Variants in PXDN observed in about 807,000 individuals in gnomAD.
The protein encoded by PXDN is peroxidasin homolog.
In PXDN, 77 loss-of-function variants were observed where a neutral mutation model predicts 140.3. The observed-to-expected ratio is 0.55, with a 90% CI of 0.46 to 0.66. The LOEUF (loss-of-function observed/expected upper bound fraction) is 0.66, where lower values mean the gene tolerates loss of function less well. Ranked by LOEUF, PXDN falls within the 30% of genes least tolerant of loss-of-function variation. The pLI is 0.00. For missense variants in PXDN, 1,838 were observed against 2,039.5 expected (o/e 0.90, Z 1.90); for synonymous variants, 911 against 857.4 (o/e 1.06, Z -1.09).
At chr2:1,680,469 TGCCA>T in intron 6 of PXDN, 107 bp from the exon 7 acceptor site, 1 of 1,355,866 alleles carries the variant, frequency 7.4e-7, no homozygotes, top group Non-Finnish European at 1.0e-6. Flanking sequence ...GTGCCAGGCC[TGCCA>T]GGCTTGCGAC....
chr2:1,704,562 A>G (rs183679511), intron 1 of PXDN, among the ~76,000 whole-genome samples: 53 of 30,746 alleles, frequency 1.7e-3, no homozygotes, highest in Admixed American at 3.9e-3. Context: ...AGGTGAAGGG[A>G]GGGCAACTCC....
rs529008608 is a variant in PXDN, at chr2:1,649,742, T to G, written c.2105-67A>C. The G allele has an allele frequency of 1.9e-6, 3 of 1,549,796 alleles. No individual in the cohort carries two copies. Among genetic ancestry groups the G allele is most frequent in the Non-Finnish European group, 2.7e-6 (3 of 1,125,694 alleles). The stretch of plus-strand genomic sequence containing the variant: ...AGGATGTGTGAGGGCCCGGTACCCC[T>G]TGGCACCTCTGCCGCTGACATGGGG... On this transcript the variant is annotated intron_variant, in intron 16 of 22. Transcript: ENST00000252804. This position sits in a 1 kb window ranked among gnomAD's most constrained non-coding sequence, Gnocchi z 7.1.
chr2:1,643,426 G>C lies in PXDN; in HGVS notation c.3894C>G (p.Tyr1298Ter), dbSNP rs199885858. The change falls in exon 19 of 23, where the codon TAC becomes TAG. Residue 1298 changes from tyrosine to a stop codon, truncating the protein, a stop_gained. Coordinates refer to ENST00000252804, the MANE Select transcript of PXDN (RefSeq NM_012293.3). LOFTEE classifies it high-confidence loss of function. ...VFRVAEFPHG[Y>*]GSCDEIPRVD... The stretch of plus-strand genomic sequence containing the variant: ...CCCTGGGGATCTCGTCACAGCTGCC[G>C]TAGCCGTGAGGGAACTCCGCCACCC... The C allele has an allele frequency of 6.2e-7, 1 of 1,613,800 alleles. No homozygotes were observed. Among genetic ancestry groups the C allele is most frequent in the Non-Finnish European group, 8.5e-7 (1 of 1,179,890 alleles).
intron 12 of PXDN, 46 bp from the exon 13 acceptor site, chr2:1,662,230 C>CA: frequency 6.7e-7 from 1 of 1,485,666 alleles, no homozygotes; most frequent in Non-Finnish European, 9.2e-7. Context: ...TCAATTACAT[C>CA]AAAAAACTTC....
intron 6 of PXDN, among the ~76,000 whole-genome samples, chr2:1,681,004 G>A (rs138054353): frequency 1.5e-3 from 232 of 152,334 alleles, no homozygotes; most frequent in African/African-American, 5.3e-3. Flanking sequence ...TGTTGTCTCC[G>A]CACACGGGGA....
At chr2:1,730,568 C>T (rs1353040242) in intron 1 of PXDN, among the ~76,000 whole-genome samples, 11 of 152,148 alleles carry the variant, frequency 7.2e-5, no homozygotes, top group South Asian at 2.1e-4. Context: ...CAGGGTATGG[C>T]GGACGGCCCA....
At chr2:1,680,775 T>C (rs535174939) in intron 6 of PXDN, among the ~76,000 whole-genome samples, 1 of 152,282 alleles carries the variant, frequency 6.6e-6, no homozygotes, top group South Asian at 2.1e-4. Context: ...AAACCACCAC[T>C]GTCACTCAAC....
Position 1,683,642 on chromosome 2 carries a change from G to C in PXDN, c.560+14C>G. 1 of 1,496,644 alleles carries C rather than the reference G, an allele frequency of 6.7e-7. No homozygotes were observed. The highest frequency in any genetic ancestry group is 1.3e-5 in the South Asian group (1 of 76,444). The allele number at this position is 1,496,644 out of a possible 1,614,324, so 92.7% of individuals were successfully genotyped here. A position where few individuals can be genotyped will look rare whatever the true frequency, so the allele number is the denominator to read the frequency against. ...GCTTTGCAGCAAAGAAAACACAAAA[G>C]GTTTTATACTCACAATCTCTTCATA... is the stretch of plus-strand genomic sequence containing the variant. On this transcript the variant is annotated intron_variant, in intron 6 of 22. Coordinates refer to ENST00000252804, the MANE Select transcript of PXDN (RefSeq NM_012293.3).
At chr2:1,664,569 T>C (rs767685526) in intron 11 of PXDN, 1 of 181,148 alleles carries the variant, frequency 5.5e-6, no homozygotes, top group Non-Finnish European at 1.2e-5. Context: ...ATTCGTCTGT[T>C]TCAATATATT....
chr2:1,709,344 G>A (rs80093017), intron 1 of PXDN, among the ~76,000 whole-genome samples: 4,000 of 152,256 alleles, frequency 0.026, 66 homozygotes, highest in Middle Eastern at 0.048. Context: ...CCCAGAGTGC[G>A]GGTGCTTGAT....
At chr2:1,686,217 G>A (rs1020765240) in intron 4 of PXDN, among the ~76,000 whole-genome samples, 11 of 152,192 alleles carry the variant, frequency 7.2e-5, no homozygotes, top group Non-Finnish European at 1.0e-4. Context: ...CTCCCTGCCC[G>A]AGGGCGGGGC....
chr2:1,692,256 C>T (rs1031963107), intron 2 of PXDN, among the ~76,000 whole-genome samples: 1 of 152,216 alleles, frequency 6.6e-6, no homozygotes, highest in African/African-American at 2.4e-5. Flanking sequence ...AGAAAAAATT[C>T]CTTCTCTCCT....
chr2:1,683,731 T>G lies in PXDN; in HGVS notation c.489-4A>C, dbSNP rs1030996296. On this transcript the variant is annotated splice_region_variant and splice_polypyrimidine_tract_variant and intron_variant, in intron 5 of 22. Coordinates refer to ENST00000252804, the MANE Select transcript of PXDN (RefSeq NM_012293.3). ...AATCCGGTTGTTATGCAAAAATCTG[T>G]TGAAAGAGATTTTATAACAAACCAA... 1 of 1,594,876 alleles carries G rather than the reference T, an allele frequency of 6.3e-7. No homozygotes were observed. The highest frequency in any genetic ancestry group is 1.3e-5 in the African/African-American group (1 of 74,356).
chr2:1,652,213 G>A (rs909531384), intron 16 of PXDN, among the ~76,000 whole-genome samples: 2 of 152,088 alleles, frequency 1.3e-5, no homozygotes, highest in Non-Finnish European at 2.9e-5. Flanking sequence ...CTGTGGTGGC[G>A]GCAGAACCCA....
chr2:1,667,605 C>G (rs577438477), intron 9 of PXDN, among the ~76,000 whole-genome samples: 18 of 152,166 alleles, frequency 1.2e-4, no homozygotes, highest in Non-Finnish European at 2.4e-4. Flanking sequence ...TCAGCAGAGT[C>G]TCAGGGCACA....
chr2:1,656,369 T>C (rs1683133068), intron 14 of PXDN, among the ~76,000 whole-genome samples: 1 of 152,188 alleles, frequency 6.6e-6, no homozygotes, highest in Non-Finnish European at 1.5e-5. Context: ...CCCTAATAAA[T>C]CCAAAGTTGA....
At position 1,744,489 on chromosome 2, in the gene PXDN, G is replaced by A. The variant is rs1318489155; in HGVS notation, c.-34C>T. 2 of 1,391,516 alleles carry A rather than the reference G, an allele frequency of 1.4e-6. No homozygotes were observed. The highest frequency in any genetic ancestry group is 1.6e-5 in the South Asian group (1 of 61,682). The allele number at this position is 1,391,516 out of a possible 1,614,324, so 86.2% of individuals were successfully genotyped here. On this transcript the variant is annotated 5_prime_UTR_variant, in exon 1 of 23. Transcript: ENST00000252804. ...GCGCGGACGGACGCTCGGACGCACG[G>A]AGCCACCACGGCCGGCTCCCGACTG... is the stretch of plus-strand genomic sequence containing the variant.
intron 21 of PXDN, chr2:1,636,311 T>C (rs574725341): frequency 6.6e-6 from 1 of 152,574 alleles, no homozygotes; most frequent in African/African-American, 2.4e-5. Flanking sequence ...TAATAAGCCT[T>C]CATAAAGCAT....
intron 1 of PXDN, among the ~76,000 whole-genome samples, chr2:1,739,806 C>A (rs951871442): frequency 1.2e-4 from 18 of 152,146 alleles, no homozygotes; most frequent in Non-Finnish European, 2.5e-4. Context: ...GTTTGGTCCG[C>A]CCACCACCTT....
Sources: allele counts gnomAD v4.1 joint callset (sites outside exome capture counted in the v4.1 genomes callset), GRCh38; gene constraint gnomAD v4.1.1; non-coding constraint Gnocchi (gnomAD v3.1); transcripts MANE v1.5; gene names NCBI Gene and HGNC (gene_info 2026-07-23, HGNC 2026-07-21).